The following HDHD2 variants were observed in gnomAD, a reference collection of about 807,000 sequenced individuals.
HDHD2 encodes the protein haloacid dehalogenase-like hydrolase domain-containing protein 2.
HDHD2 carries 26 observed loss-of-function variants against 24.8 expected under a neutral mutation model. The observed-to-expected ratio is 1.05, with a 90% CI of 0.77 to 1.45. The LOEUF is 1.45. Among genes scored for constraint, HDHD2 ranks in the 40% most tolerant of loss-of-function variants. The pLI is 0.00. For missense variants in HDHD2, 299 were observed against 313.4 expected (o/e 0.95, Z 0.35); for synonymous variants, 128 against 114.9 (o/e 1.11, Z -0.73).
chr18:47,126,633 G>A (rs2063660933), intron 4 of HDHD2, among the ~76,000 whole-genome samples: 2 of 152,048 alleles, frequency 1.3e-5, no homozygotes, highest in African/African-American at 4.8e-5. Context: ...AAGTTGTGAT[G>A]CCATTTCTCT....
chr18:47,134,730 A>G, intron 2 of HDHD2, 26 bp from the exon 3 acceptor site: 1 of 1,583,832 alleles, frequency 6.3e-7, no homozygotes, highest in Non-Finnish European at 8.7e-7. Flanking sequence ...TTCAGAAGTC[A>G]AAAGGCAGCT....
Position 47,113,180 on chromosome 18 carries a change from G to A in HDHD2, c.613-140C>T. 3 of 720,124 alleles carry A rather than the reference G, an allele frequency of 4.2e-6. No homozygotes were observed. The Admixed American group carries it at 7.0e-5, about 17-fold the overall frequency. 44.6% of individuals were successfully genotyped at this position (720,124 alleles called of 1,614,324 possible). On this transcript the variant is annotated intron_variant, in intron 5 of 6. Transcript: ENST00000300605. ...GAAATAGAAAAGAGAAGATGTAAAA[G>A]GTGAATCCACATGTAATACTCTGAG...
intron 1 of HDHD2, among the ~76,000 whole-genome samples, chr18:47,146,308 T>C (rs891404702): frequency 5.6e-5 from 8 of 142,486 alleles, no homozygotes; most frequent in African/African-American, 1.8e-4. Flanking sequence ...ATCAGGAAAA[T>C]GCAAATTTCA....
intron 4 of HDHD2, among the ~76,000 whole-genome samples, chr18:47,128,729 A>G (rs2063683872): frequency 6.6e-6 from 1 of 152,242 alleles, no homozygotes. Context: ...TGTGGTTTCC[A>G]TTAACCAAGA....
At chr18:47,129,765 G>C (rs576484825) in intron 4 of HDHD2, among the ~76,000 whole-genome samples, 2 of 152,126 alleles carry the variant, frequency 1.3e-5, no homozygotes, top group Non-Finnish European at 2.9e-5. Flanking sequence ...AGAATCATAG[G>C]AGTAATAATA....
intron 1 of HDHD2, among the ~76,000 whole-genome samples, chr18:47,141,519 T>C (rs1394863572): frequency 6.6e-6 from 1 of 152,222 alleles, no homozygotes; most frequent in Non-Finnish European, 1.5e-5. Flanking sequence ...CCTCATATAT[T>C]ATTTCAAATT....
intron 4 of HDHD2, among the ~76,000 whole-genome samples, chr18:47,120,079 G>A (rs181260147): frequency 6.6e-6 from 1 of 152,278 alleles, no homozygotes; most frequent in Non-Finnish European, 1.5e-5. Context: ...TCCATTTATA[G>A]AGCACAGGTT....
At chr18:47,129,977 G>A (rs2063697242) in intron 4 of HDHD2, among the ~76,000 whole-genome samples, 1 of 152,102 alleles carries the variant, frequency 6.6e-6, no homozygotes. Flanking sequence ...AGGCTGTGGT[G>A]AGCCATGATG....
At chr18:47,131,785 C>A (rs1349790773) in intron 3 of HDHD2, among the ~76,000 whole-genome samples, 2 of 152,046 alleles carry the variant, frequency 1.3e-5, no homozygotes, top group African/African-American at 4.8e-5. Context: ...AATAAGACTC[C>A]TGAACGCAGT....
chr18:47,119,557 T>C (rs1047376628), intron 4 of HDHD2, among the ~76,000 whole-genome samples: 3 of 152,320 alleles, frequency 2.0e-5, no homozygotes, highest in Non-Finnish European at 4.4e-5. Context: ...ATTCTAGTTG[T>C]TTTGCTATTT....
intron 4 of HDHD2, among the ~76,000 whole-genome samples, chr18:47,115,600 A>G (rs1273588336): frequency 6.6e-6 from 1 of 152,200 alleles, no homozygotes. Context: ...TAGTGGTTTC[A>G]GACACTACCC....
chr18:47,135,258 C>CTTTTTTTTTTTTTTTTTTTTTTTTTTT (rs904719955), intron 2 of HDHD2, among the ~76,000 whole-genome samples: 1 of 128,330 alleles, frequency 7.8e-6, no homozygotes, highest in Non-Finnish European at 1.7e-5. Context: ...TAGATTTTTT[C>CTTTTTTTTTTTTTTTTTTTTTTTTTTT]TTTTTTTTTT....
intron 4 of HDHD2, among the ~76,000 whole-genome samples, chr18:47,126,781 A>G (rs937462039): frequency 6.6e-6 from 1 of 152,128 alleles, no homozygotes; most frequent in Non-Finnish European, 1.5e-5. Context: ...TTGCCTGGCA[A>G]CTATACTTCT....
At chr18:47,122,155 AT>A (rs1182079824) in intron 4 of HDHD2, among the ~76,000 whole-genome samples, 1 of 152,188 alleles carries the variant, frequency 6.6e-6, no homozygotes, top group Non-Finnish European at 1.5e-5. Flanking sequence ...CTAAATGTTT[AT>A]TCAATAAATT....
chr18:47,116,728 C>G (rs2063560805), intron 4 of HDHD2, among the ~76,000 whole-genome samples: 1 of 152,192 alleles, frequency 6.6e-6, no homozygotes, highest in South Asian at 2.1e-4. Flanking sequence ...TCTATCTCTT[C>G]TCCTGTCACC....
chr18:47,128,154 G>A (rs16958696), intron 4 of HDHD2, among the ~76,000 whole-genome samples: 2 of 152,160 alleles, frequency 1.3e-5, no homozygotes, highest in African/African-American at 4.8e-5. Context: ...AATGTTTTAA[G>A]TTTATAAAAA....
At chr18:47,146,604 A>G (rs2063872885) in intron 1 of HDHD2, among the ~76,000 whole-genome samples, 5 of 152,238 alleles carry the variant, frequency 3.3e-5, no homozygotes, top group Admixed American at 3.3e-4. Context: ...ATGTCCATCA[A>G]CAACAGAATG....
chr18:47,141,304 C>T (rs563850248), intron 1 of HDHD2, among the ~76,000 whole-genome samples: 112 of 152,262 alleles, frequency 7.4e-4, no homozygotes, highest in African/African-American at 2.5e-3. Context: ...GATATATTAT[C>T]TTTTTTTACT....
chr18:47,146,108 A>T (rs1471540605), intron 1 of HDHD2, among the ~76,000 whole-genome samples: 2 of 152,044 alleles, frequency 1.3e-5, no homozygotes, highest in Admixed American at 1.3e-4. Flanking sequence ...AGGCACCTGT[A>T]ATCCCAGCTA....
Sources: gnomAD v4.1 joint callset for allele counts (sites outside exome capture counted in the v4.1 genomes callset) on GRCh38, gnomAD v4.1.1 for gene constraint, MANE v1.5 for transcripts, NCBI Gene and HGNC (gene_info 2026-07-23, HGNC 2026-07-21) for gene names.